Variants in SDK1 observed in about 807,000 individuals in gnomAD.
The protein encoded by SDK1 is protein sidekick-1.
SDK1 carries 157 observed loss-of-function variants against 245.5 expected under a neutral mutation model. The ratio of observed to expected loss-of-function variants is 0.64; its 90% CI spans 0.56 to 0.73. The LOEUF (loss-of-function observed/expected upper bound fraction) is 0.73, where lower values mean the gene tolerates loss of function less well. Among genes scored for constraint, SDK1 ranks in the 30% least tolerant of loss-of-function variants. The pLI is 0.00. For synonymous variants in SDK1, 1,647 were observed against 1,278.5 expected (o/e 1.29, Z -6.15); for missense variants, 3,583 against 3,002.3 (o/e 1.19, Z -4.52).
At chr7:3,755,716 C>T (rs1285026552) in intron 4 of SDK1, among the ~76,000 whole-genome samples, 2 of 152,062 alleles carry the variant, frequency 1.3e-5, no homozygotes, top group African/African-American at 4.8e-5. Flanking sequence ...GTTTGTTTGC[C>T]CCTGTAATTT....
chr7:3,559,773 A>AAG (rs949661852), intron 1 of SDK1, among the ~76,000 whole-genome samples: 6 of 146,836 alleles, frequency 4.1e-5, no homozygotes, highest in African/African-American at 1.5e-4. Context: ...AAAAAAAAAA[A>AAG]CACAAAAATC....
At chr7:3,754,910 C>G (rs1056033432) in intron 4 of SDK1, among the ~76,000 whole-genome samples, 4 of 152,124 alleles carry the variant, frequency 2.6e-5, no homozygotes, top group African/African-American at 9.7e-5. Context: ...TTCTAATGTT[C>G]GTTTGTTACG....
intron 5 of SDK1, among the ~76,000 whole-genome samples, chr7:3,900,346 T>C (rs1781744796): frequency 6.6e-6 from 1 of 152,236 alleles, no homozygotes; most frequent in African/African-American, 2.4e-5. Context: ...GGCTTCAATT[T>C]CTCTTGCATC....
intron 25 of SDK1, among the ~76,000 whole-genome samples, chr7:4,126,770 T>G (rs1784415877): frequency 6.6e-6 from 1 of 152,236 alleles, no homozygotes; most frequent in South Asian, 2.1e-4. Context: ...GCCCATCTCC[T>G]TTTAGAAAAA....
chr7:3,972,161 G>A (rs928295339), intron 12 of SDK1, among the ~76,000 whole-genome samples: 3 of 149,222 alleles, frequency 2.0e-5, no homozygotes, highest in Non-Finnish European at 4.4e-5. Flanking sequence ...CTCACTGCAA[G>A]CTCCACCTCC....
intron 5 of SDK1, among the ~76,000 whole-genome samples, chr7:3,859,486 G>A (rs1780634924): frequency 6.6e-6 from 1 of 152,092 alleles, no homozygotes; most frequent in Non-Finnish European, 1.5e-5. Flanking sequence ...GCCCACTGTG[G>A]CTCATGATGT....
At position 3,826,525 on chromosome 7, in the gene SDK1, C is replaced by G. The variant is rs926960392; in HGVS notation, c.847+4942C>G. On this transcript the variant is annotated intron_variant, in intron 5 of 44. Coordinates refer to ENST00000404826, the MANE Select transcript of SDK1 (RefSeq NM_152744.4). ...CTGATTGTGCTGGTGTTGTGAGTGA[C>G]TCAGATCTGTGCTTTCTTCCCAGAA... 4.6e-5 allele frequency among the ~76,000 whole-genome samples: 7 copies of G among 152,290 alleles called. No homozygotes were observed. The South Asian group carries it at 1.5e-3, about 32-fold the overall frequency.
intron 7 of SDK1, among the ~76,000 whole-genome samples, chr7:3,954,606 C>T (rs565488874): frequency 3.5e-5 from 4 of 115,624 alleles, no homozygotes; most frequent in African/African-American, 7.0e-5. Flanking sequence ...TCCGTTCCCA[C>T]CTCCCCTCTA....
chr7:3,957,258 C>T (rs553511742), intron 7 of SDK1, among the ~76,000 whole-genome samples: 28 of 152,292 alleles, frequency 1.8e-4, no homozygotes, highest in African/African-American at 6.3e-4. Context: ...TTGCATGGGA[C>T]GTGCATGTGC....
chr7:4,222,013 A>G (rs1785176600), intron 40 of SDK1, among the ~76,000 whole-genome samples: 1 of 152,220 alleles, frequency 6.6e-6, no homozygotes, highest in Non-Finnish European at 1.5e-5. Flanking sequence ...GAACAGCTCC[A>G]ATATGACCTT....
chr7:3,528,328 T>C (rs1583127073), intron 1 of SDK1, among the ~76,000 whole-genome samples: 7 of 125,636 alleles, frequency 5.6e-5, no homozygotes, highest in Non-Finnish European at 5.0e-5. Context: ...GGTTGGATGA[T>C]CGTCAGCTGG....
intron 4 of SDK1, among the ~76,000 whole-genome samples, chr7:3,755,929 C>G (rs192919089): frequency 1.3e-5 from 2 of 151,892 alleles, no homozygotes; most frequent in East Asian, 3.9e-4. Context: ...GCACGTGTGA[C>G]ACATGTATAT....
chr7:3,316,222 A>G (rs1052639033), intron 1 of SDK1, among the ~76,000 whole-genome samples: 4 of 152,204 alleles, frequency 2.6e-5, no homozygotes, highest in Non-Finnish European at 5.9e-5. Flanking sequence ...CATTTTGGTA[A>G]GTGACAGACT....
chr7:3,978,481 G>C (rs113392509), intron 13 of SDK1, among the ~76,000 whole-genome samples: 166 of 152,282 alleles, frequency 1.1e-3, no homozygotes, highest in African/African-American at 3.7e-3. Context: ...ACTAATTTAA[G>C]TACAAACTGG....
At chr7:3,933,861 C>A (rs976359883) in intron 5 of SDK1, among the ~76,000 whole-genome samples, 4 of 152,012 alleles carry the variant, frequency 2.6e-5, no homozygotes, top group Admixed American at 6.5e-5. Flanking sequence ...CATGGAGTGC[C>A]CTTTGTGGTT....
intron 5 of SDK1, among the ~76,000 whole-genome samples, chr7:3,849,681 G>A (rs1460746157): frequency 6.6e-6 from 1 of 152,112 alleles, no homozygotes; most frequent in East Asian, 1.9e-4. Flanking sequence ...ATTCTTAGAG[G>A]GCGGCGTATT....
chr7:4,017,303 C>G lies in SDK1; in HGVS notation c.2553C>G (p.Ala851=). 2 of 1,613,848 alleles carry G rather than the reference C, an allele frequency of 1.2e-6. No homozygotes were observed. The highest frequency in any genetic ancestry group is 1.7e-6 in the Non-Finnish European group (2 of 1,179,862). Residue 851 remains alanine (A), a synonymous_variant, in exon 17 of 45, where the codon GCC becomes GCG. Transcript: ENST00000404826. ...YEIQVAAYNG[A]GLGVFSRAVT... The stretch of plus-strand genomic sequence containing the variant: ...TACAGGTGGCGGCGTACAACGGGGC[C>G]GGTCTGGGCGTCTTCAGCAGGGCAG...
chr7:4,220,695 G>A (rs1426121758), intron 39 of SDK1, among the ~76,000 whole-genome samples: 7 of 152,108 alleles, frequency 4.6e-5, no homozygotes, highest in Non-Finnish European at 1.0e-4. Flanking sequence ...CGGCATTCAG[G>A]GAGTGCTGCT....
chr7:3,624,879 C>G (rs916066402), intron 2 of SDK1, among the ~76,000 whole-genome samples: 2 of 151,882 alleles, frequency 1.3e-5, no homozygotes, highest in Non-Finnish European at 2.9e-5. Flanking sequence ...AACCCCATCT[C>G]TACTAAAAAT....
Sources: allele counts gnomAD v4.1 joint callset (sites outside exome capture counted in the v4.1 genomes callset), GRCh38; gene constraint gnomAD v4.1.1; transcripts MANE v1.5; gene names NCBI Gene and HGNC (gene_info 2026-07-23, HGNC 2026-07-21).